PSD3: variants seen among roughly 807,000 people sequenced by gnomAD.
The protein encoded by PSD3 is pleckstrin and Sec7 domain containing 3, also known as PH and SEC7 domain-containing protein 3.
PSD3 carries 49 observed loss-of-function variants against 105.5 expected under a neutral mutation model. That is an observed-to-expected ratio of 0.46 (90% CI 0.37 to 0.59). The LOEUF (loss-of-function observed/expected upper bound fraction) is 0.59, where lower values mean the gene tolerates loss of function less well. PSD3 is among the 20% of genes least tolerant of loss of function. PSD3 has a pLI of 0.00. For synonymous variants in PSD3, 557 were observed against 457.8 expected (o/e 1.22, Z -2.77); for missense variants, 1,561 against 1,263.8 (o/e 1.24, Z -3.57).
intron 14 of PSD3, among the ~76,000 whole-genome samples, chr8:18,565,161 T>A (rs189957082): frequency 6.6e-6 from 1 of 152,180 alleles, no homozygotes; most frequent in East Asian, 1.9e-4. Flanking sequence ...AACGACCTGG[T>A]GGGGCTGGGA....
At chr8:18,859,284 G>C (rs1816257158) in intron 4 of PSD3, among the ~76,000 whole-genome samples, 1 of 146,274 alleles carries the variant, frequency 6.8e-6, no homozygotes, top group African/African-American at 2.6e-5. Context: ...AAAATAGTCA[G>C]TAAATCATGC....
chr8:18,972,418 G>C (rs1383798896), intron 1 of PSD3, among the ~76,000 whole-genome samples: 6 of 152,204 alleles, frequency 3.9e-5, no homozygotes, highest in Non-Finnish European at 7.3e-5. Context: ...AGTTATCACA[G>C]GGTCAGATTT....
chr8:18,584,853 G>C (rs936030112), intron 12 of PSD3, among the ~76,000 whole-genome samples: 1 of 152,178 alleles, frequency 6.6e-6, no homozygotes, highest in African/African-American at 2.4e-5. Context: ...GGTATGTAGA[G>C]CCTATGGCTT....
chr8:18,640,809 C>T (rs1307248651), intron 10 of PSD3, among the ~76,000 whole-genome samples: 3 of 152,316 alleles, frequency 2.0e-5, no homozygotes, highest in Non-Finnish European at 2.9e-5. Context: ...CACTGACCTA[C>T]CTTTGAGTGT....
intron 4 of PSD3, among the ~76,000 whole-genome samples, chr8:18,839,188 C>T (rs1435949084): frequency 6.6e-6 from 1 of 152,098 alleles, no homozygotes; most frequent in Non-Finnish European, 1.5e-5. Context: ...TGAGCACAGA[C>T]ATACCATTTA....
At chr8:18,859,039 C>T (rs1816234957) in intron 4 of PSD3, among the ~76,000 whole-genome samples, 1 of 152,058 alleles carries the variant, frequency 6.6e-6, no homozygotes, top group South Asian at 2.1e-4. Flanking sequence ...GTGACTACAG[C>T]TTTACACAAT....
intron 14 of PSD3, among the ~76,000 whole-genome samples, chr8:18,567,504 G>A (rs748534515): frequency 6.6e-6 from 1 of 152,090 alleles, no homozygotes. Context: ...TAAAGTTGTA[G>A]TGTACTTATT....
At chr8:18,863,180 AC>A (rs1365590395) in intron 4 of PSD3, among the ~76,000 whole-genome samples, 1 of 152,206 alleles carries the variant, frequency 6.6e-6, no homozygotes, top group South Asian at 2.1e-4. Flanking sequence ...TCCTGTCCAA[AC>A]CCAAGTTCAA....
intron 4 of PSD3, among the ~76,000 whole-genome samples, chr8:18,859,121 GGC>G (rs1304923562): frequency 1.3e-5 from 2 of 152,102 alleles, no homozygotes; most frequent in Non-Finnish European, 2.9e-5. Flanking sequence ...ATATTGTGTT[GGC>G]GGGCATTAGA....
intron 1 of PSD3, among the ~76,000 whole-genome samples, chr8:19,045,415 T>G (rs1289897329): frequency 1.3e-5 from 2 of 152,152 alleles, no homozygotes. Context: ...TTAACAAAAG[T>G]GTTAAGGGAG....
At chr8:18,776,583 G>C (rs746066572) in intron 8 of PSD3, among the ~76,000 whole-genome samples, 64 of 151,796 alleles carry the variant, frequency 4.2e-4, no homozygotes, top group Non-Finnish European at 4.4e-5. Context: ...TCACCATATT[G>C]GCCAGGCTGG....
chr8:18,559,401 T>G (rs1431258678), intron 14 of PSD3, among the ~76,000 whole-genome samples: 1 of 152,218 alleles, frequency 6.6e-6, no homozygotes, highest in Non-Finnish European at 1.5e-5. Flanking sequence ...GTTTACTGGG[T>G]TTCCTCTTCT....
intron 1 of PSD3, among the ~76,000 whole-genome samples, chr8:18,994,339 C>G (rs142903136): frequency 2.0e-5 from 3 of 152,102 alleles, no homozygotes; most frequent in Admixed American, 2.0e-4. Context: ...TTTGTTTTTA[C>G]GGTAGATTTT....
chr8:18,699,284 G>C (rs900671726), intron 9 of PSD3, among the ~76,000 whole-genome samples: 1 of 152,230 alleles, frequency 6.6e-6, no homozygotes, highest in African/African-American at 2.4e-5. Flanking sequence ...AAAATGGAAA[G>C]AGGCTGCTGT....
chr8:18,578,204 C>A (rs1346990479), intron 12 of PSD3, among the ~76,000 whole-genome samples: 1 of 151,998 alleles, frequency 6.6e-6, no homozygotes, highest in Non-Finnish European at 1.5e-5. Flanking sequence ...TTTTGCTAGG[C>A]TATGCCTTAC....
At chr8:19,012,956 T>C (rs761690800) in intron 1 of PSD3, among the ~76,000 whole-genome samples, 21 of 152,124 alleles carry the variant, frequency 1.4e-4, no homozygotes, top group Non-Finnish European at 2.4e-4. Context: ...ACATTTATTA[T>C]TTAGGTCACC....
At position 18,757,410 on chromosome 8, in the gene PSD3, G is replaced by A. The variant is rs573140158; in HGVS notation, c.2172+8039C>T. Among the ~76,000 whole-genome samples, 20 of 152,320 alleles carry A rather than the reference G, an allele frequency of 1.3e-4. No individual in the cohort carries two copies. In the South Asian group the frequency reaches 4.1e-3, roughly 32 times the overall value. ...ACCCAGGAGGCGGAGGTTGCAGTGA[G>A]CAGAGATCATGCCACTGCATTCCAG... On this transcript the variant is annotated intron_variant, in intron 9 of 15. Coordinates refer to ENST00000327040, the MANE Select transcript of PSD3 (RefSeq NM_015310.4).
chr8:19,082,868 T>A (rs921418474), intron 1 of PSD3, among the ~76,000 whole-genome samples: 6 of 152,208 alleles, frequency 3.9e-5, no homozygotes, highest in African/African-American at 1.4e-4. Context: ...GTGAACTATT[T>A]CTTAAGGAAG....
At chr8:19,062,880 T>C (rs1828951458) in intron 1 of PSD3, among the ~76,000 whole-genome samples, 1 of 152,190 alleles carries the variant, frequency 6.6e-6, no homozygotes, top group Admixed American at 6.5e-5. Context: ...GCTGACTTGA[T>C]CAGTTTTACC....
Sources: gnomAD v4.1 joint callset for allele counts (sites outside exome capture counted in the v4.1 genomes callset) on GRCh38, gnomAD v4.1.1 for gene constraint, MANE v1.5 for transcripts, NCBI Gene and HGNC (gene_info 2026-07-23, HGNC 2026-07-21) for gene names.